CLOCK: variants seen among roughly 807,000 people sequenced by gnomAD.
CLOCK encodes the protein circadian locomoter output cycles protein kaput.
Under a neutral mutation model 118.4 loss-of-function variants are expected in CLOCK, and 43 were observed. The ratio of observed to expected loss-of-function variants is 0.36; its 90% CI spans 0.28 to 0.47. CLOCK has a LOEUF of 0.47. Ranked by LOEUF, CLOCK falls within the 20% of genes least tolerant of loss-of-function variation. The pLI is 1.00. For missense variants in CLOCK, 846 were observed against 999.9 expected, an observed-to-expected ratio of 0.85 and a Z score of 2.08; for synonymous variants, 326 against 339.2, an observed-to-expected ratio of 0.96 and a Z score of 0.43.
chr4:55,545,343 T>C (rs1731542590), intron 1 of CLOCK: 1 of 152,196 alleles, frequency 6.6e-6, no homozygotes, highest in African/African-American at 2.4e-5. Flanking sequence ...TTATCTAAAT[T>C]ACATCCTTTT....
intron 5 of CLOCK, among the ~76,000 whole-genome samples, chr4:55,479,213 C>T (rs1241827831): frequency 6.6e-6 from 1 of 152,086 alleles, no homozygotes; most frequent in Non-Finnish European, 1.5e-5. Flanking sequence ...AGAAAAACTG[C>T]ATTCAAATCA....
rs1249659019 is a variant in CLOCK at position 55,444,784 on chromosome 4, A to C, written c.1541T>G (p.Phe514Cys). The C allele has an allele frequency of 1.2e-6, 2 of 1,613,798 alleles. No individual in the cohort carries two copies. Among genetic ancestry groups the C allele is most frequent in the East Asian group, 4.5e-5 (2 of 44,846 alleles). The change falls in exon 19 of 23, where the codon TTT (phenylalanine) becomes TGT (cysteine). Residue 514 changes from phenylalanine (F) to cysteine (C), a missense_variant and splice_region_variant. Physicochemically the swap from Phe to Cys is radical, Grantham distance 205 (BLOSUM62 -2). Transcript: ENST00000513440. ...NLPIPQGMSQ[F>C]QFSAQLGAMQ... ...GGCTCCTAATTGAGCTGAAAACTGA[A>C]ACTGAAGTACCATGTACGGAAAAAG... is the stretch of plus-strand genomic sequence containing the variant.
intron 7 of CLOCK, among the ~76,000 whole-genome samples, chr4:55,473,911 C>T (rs1280725988): frequency 6.6e-6 from 1 of 152,174 alleles, no homozygotes; most frequent in East Asian, 1.9e-4. Context: ...CCCCATCCCT[C>T]TCCCTCTCCT....
intron 8 of CLOCK, among the ~76,000 whole-genome samples, chr4:55,464,400 A>G (rs766711889): frequency 5.3e-4 from 80 of 152,344 alleles, no homozygotes; most frequent in Non-Finnish European, 8.2e-4. Flanking sequence ...GACAAACATC[A>G]GGTTGGCTAC....
intron 1 of CLOCK, among the ~76,000 whole-genome samples, chr4:55,511,302 A>T (rs1424729954): frequency 6.6e-6 from 1 of 152,176 alleles, no homozygotes; most frequent in Non-Finnish European, 1.5e-5. Context: ...TTTTAATGAC[A>T]CAGTCCAATC....
At chr4:55,536,679 A>G (rs62309729) in intron 1 of CLOCK, among the ~76,000 whole-genome samples, 34,298 of 152,064 alleles carry the variant, frequency 0.23, 4,506 homozygotes, top group South Asian at 0.37. Flanking sequence ...TTCTTTATAA[A>G]TTACCCAGTC....
intron 1 of CLOCK, among the ~76,000 whole-genome samples, chr4:55,541,663 A>C (rs1363702989): frequency 1.3e-5 from 2 of 152,218 alleles, no homozygotes; most frequent in Admixed American, 1.3e-4. Flanking sequence ...GACATATTTG[A>C]TGGTAGACAA....
chr4:55,516,189 T>G (rs922586045), intron 1 of CLOCK, among the ~76,000 whole-genome samples: 3 of 152,212 alleles, frequency 2.0e-5, no homozygotes, highest in African/African-American at 7.2e-5. Context: ...TTGGATGAAG[T>G]AGTCTATAGA....
In CLOCK at chr4:55,537,921, C is replaced by A. The variant is rs557751530; in HGVS notation, c.-290+8861G>T. On this transcript the variant is annotated intron_variant, in intron 1 of 22. Coordinates refer to ENST00000513440, the MANE Select transcript of CLOCK (RefSeq NM_004898.4). ...AACCAGAAAAAGAAAACAAATTAAA[C>A]CCAAAAGTAAGCTGAGGAAAGGAAA... is the stretch of plus-strand genomic sequence containing the variant. 1.4e-4 allele frequency among the ~76,000 whole-genome samples: 22 copies of A among 152,108 alleles called. 1 individual carries two copies. The East Asian group carries it at 1.9e-3, about 13-fold the overall frequency.
intron 1 of CLOCK, among the ~76,000 whole-genome samples, chr4:55,528,033 C>CA (rs11361087): frequency 0.032 from 4,402 of 138,218 alleles, 222 homozygotes; most frequent in African/African-American, 0.11. Flanking sequence ...CCCTGTCTCT[C>CA]AAAAAAAAAA....
chr4:55,524,888 T>A (rs1346401141), intron 1 of CLOCK, among the ~76,000 whole-genome samples: 2 of 152,006 alleles, frequency 1.3e-5, no homozygotes, highest in Admixed American at 6.6e-5. Context: ...TCCAGACTTA[T>A]AACTTCCAGA....
chr4:55,490,914 C>T (rs78909517), intron 2 of CLOCK, among the ~76,000 whole-genome samples: 362 of 152,128 alleles, frequency 2.4e-3, no homozygotes, highest in African/African-American at 8.0e-3. Flanking sequence ...ACACAGAGAA[C>T]GTTCTCTAGG....
chr4:55,520,508 C>T (rs1729790806), intron 1 of CLOCK, among the ~76,000 whole-genome samples: 1 of 152,136 alleles, frequency 6.6e-6, no homozygotes, highest in Non-Finnish European at 1.5e-5. Context: ...GAAAACAACA[C>T]CTGAGGCAAA....
At chr4:55,440,667 C>G (rs1453585920) in intron 21 of CLOCK, among the ~76,000 whole-genome samples, 1 of 152,202 alleles carries the variant, frequency 6.6e-6, no homozygotes, top group Non-Finnish European at 1.5e-5. Flanking sequence ...CACTTAGTCA[C>G]AGAAGTACTA....
At chr4:55,439,261 G>A (rs979706274) in intron 21 of CLOCK, among the ~76,000 whole-genome samples, 18 of 152,080 alleles carry the variant, frequency 1.2e-4, no homozygotes, top group Non-Finnish European at 2.4e-4. Flanking sequence ...ACATGAAAAG[G>A]TGCTCCACAT....
intron 1 of CLOCK, among the ~76,000 whole-genome samples, chr4:55,531,699 G>T (rs1262581652): frequency 2.4e-5 from 1 of 42,458 alleles, no homozygotes; most frequent in African/African-American, 7.8e-5. Context: ...GCAAGACTTC[G>T]TCTCAAAAAA....
At chr4:55,439,430 T>C (rs1723162358) in intron 21 of CLOCK, among the ~76,000 whole-genome samples, 1 of 152,162 alleles carries the variant, frequency 6.6e-6, no homozygotes, top group Non-Finnish European at 1.5e-5. Context: ...GTAAAAATGG[T>C]GCAGCCACTA....
chr4:55,519,570 T>C (rs539834075), intron 1 of CLOCK, among the ~76,000 whole-genome samples: 1 of 152,148 alleles, frequency 6.6e-6, no homozygotes, highest in African/African-American at 2.4e-5. Flanking sequence ...GCAGATCACC[T>C]GAGTTGAGGC....
chr4:55,454,028 C>T lies in CLOCK; in HGVS notation c.983-204G>A, dbSNP rs142879762. ...ATTATCAGATCTACAGTGCCCAATT[C>T]ACAGCTAGTCACTGCTGATCTTACA... is the stretch of plus-strand genomic sequence containing the variant. On this transcript the variant is annotated intron_variant, in intron 13 of 22. Coordinates refer to ENST00000513440, the MANE Select transcript of CLOCK (RefSeq NM_004898.4). Among the ~76,000 whole-genome samples the T allele has an allele frequency of 6.4e-3, 976 of 152,222 alleles. 17 individuals carry two copies. Among genetic ancestry groups the T allele is most frequent in the African/African-American group, 0.022 (907 of 41,530 alleles).
Sources: gnomAD v4.1 joint callset for allele counts (sites outside exome capture counted in the v4.1 genomes callset) on GRCh38, gnomAD v4.1.1 for gene constraint, MANE v1.5 for transcripts, NCBI Gene and HGNC (gene_info 2026-07-23, HGNC 2026-07-21) for gene names.